The following PLCB4 variants were observed in gnomAD, a reference collection of about 807,000 sequenced individuals.
The protein encoded by PLCB4 is 1-phosphatidylinositol 4,5-bisphosphate phosphodiesterase beta-4.
Under a neutral mutation model 178.8 loss-of-function variants are expected in PLCB4, and 77 were observed. The observed-to-expected ratio is 0.43, with a 90% CI of 0.36 to 0.52. The LOEUF (loss-of-function observed/expected upper bound fraction) is 0.52. Among genes scored for constraint, PLCB4 ranks in the 20% least tolerant of loss-of-function variants. PLCB4 has a pLI of 0.00. For synonymous variants in PLCB4, 496 were observed against 490.8 expected, an observed-to-expected ratio of 1.01 and a Z score of -0.14; for missense variants, 1,024 against 1,453.4, an observed-to-expected ratio of 0.70 and a Z score of 4.80.
At chr20:9,371,519 C>T (rs2036253308) in intron 10 of PLCB4, among the ~76,000 whole-genome samples, 1 of 151,992 alleles carries the variant, frequency 6.6e-6, no homozygotes, top group Admixed American at 6.6e-5. Flanking sequence ...GTTGCCTGGG[C>T]ATTTTAACCT....
intron 3 of PLCB4, among the ~76,000 whole-genome samples, chr20:9,305,400 A>G (rs144945896): frequency 6.6e-6 from 1 of 151,998 alleles, no homozygotes; most frequent in African/African-American, 2.4e-5. Flanking sequence ...AGTTTTTAGT[A>G]TCTCTGTTCC....
intron 3 of PLCB4, among the ~76,000 whole-genome samples, chr20:9,296,292 T>C (rs1171189256): frequency 6.6e-6 from 1 of 152,026 alleles, no homozygotes; most frequent in African/African-American, 2.4e-5. Flanking sequence ...GAAATGCAAA[T>C]CAAAACCACA....
intron 4 of PLCB4, among the ~76,000 whole-genome samples, chr20:9,328,786 G>T (rs1386503617): frequency 6.6e-6 from 1 of 152,180 alleles, no homozygotes; most frequent in Non-Finnish European, 1.5e-5. Context: ...GAGGTTCGTT[G>T]TCCCACAGCC....
At chr20:9,319,104 G>C (rs769533107) in intron 4 of PLCB4, among the ~76,000 whole-genome samples, 5 of 152,088 alleles carry the variant, frequency 3.3e-5, no homozygotes, top group Non-Finnish European at 7.3e-5. Flanking sequence ...TAATGCATGT[G>C]GTGTAGCCAT....
intron 1 of PLCB4, among the ~76,000 whole-genome samples, chr20:9,082,284 G>A (rs562309370): frequency 6.6e-4 from 100 of 152,234 alleles, no homozygotes; most frequent in African/African-American, 2.2e-3. Context: ...AACAGAGAAA[G>A]CAAGAAAGCC....
At position 9,103,329 on chromosome 20, in the gene PLCB4, T is replaced by C. The variant is rs551323924; in HGVS notation, c.-79+6987T>C. Among the ~76,000 whole-genome samples the C allele has an allele frequency of 4.5e-4, 68 of 152,310 alleles. 1 individual carries two copies. The South Asian group carries it at 0.014, about 31-fold the overall frequency. ...AAATGGGAACATTTACAAATACTTA[T>C]TTTAAATAACAGTGATAAACCCATT... On this transcript the variant is annotated intron_variant, in intron 2 of 39. Coordinates refer to ENST00000378473, the MANE Select transcript of PLCB4 (RefSeq NM_001377142.1).
rs749496709 is a variant in PLCB4 at position 9,322,117 on chromosome 20, A to ATTT, written c.84+14239_84+14241dup. ...CAGGCAGAGCCACCACACCCAGGTA[A>ATTT]TTTTTTTTTTTTTTTTTTTTTTGTA... On this transcript the variant is annotated intron_variant, in intron 4 of 39. Coordinates refer to ENST00000378473, the MANE Select transcript of PLCB4 (RefSeq NM_001377142.1). Among the ~76,000 whole-genome samples the ATTT allele has an allele frequency of 1.6e-3, 181 of 116,586 alleles. 2 individuals are homozygous for ATTT. The highest frequency in any genetic ancestry group is 4.1e-3 in the East Asian group (15 of 3,640). The allele number at this position is 116,586 out of a possible 152,430, so 76.5% of individuals were successfully genotyped here. A position where few individuals can be genotyped will look rare whatever the true frequency, so the allele number is the denominator to read the frequency against.
chr20:9,435,707 T>C, intron 29 of PLCB4, 59 bp downstream of exon 29: 1 of 978,374 alleles, frequency 1.0e-6, no homozygotes, highest in South Asian at 1.4e-5. Context: ...TATCAAACAG[T>C]GTTTACAAAA....
At chr20:9,384,615 C>T (rs770011976) in intron 14 of PLCB4, among the ~76,000 whole-genome samples, 14 of 152,134 alleles carry the variant, frequency 9.2e-5, no homozygotes, top group Admixed American at 8.5e-4. Flanking sequence ...AAAGACTTTA[C>T]TGTGAAAAGA....
chr20:9,245,281 T>A (rs1262062776), intron 3 of PLCB4, among the ~76,000 whole-genome samples: 1 of 151,994 alleles, frequency 6.6e-6, no homozygotes, highest in Non-Finnish European at 1.5e-5. Context: ...AGTGAGGAAA[T>A]AGATTCCACT....
intron 12 of PLCB4, 149 bp downstream of exon 12, chr20:9,373,253 A>G: frequency 1.9e-6 from 1 of 526,148 alleles, no homozygotes; most frequent in Non-Finnish European, 3.4e-6. Flanking sequence ...AGGTGCAAAA[A>G]TCAGCTGCCG....
chr20:9,307,336 G>A (rs2094780016), intron 3 of PLCB4, among the ~76,000 whole-genome samples: 1 of 152,082 alleles, frequency 6.6e-6, no homozygotes, highest in Non-Finnish European at 1.5e-5. Flanking sequence ...CTATTCCTAC[G>A]TGATTCTGCA....
chr20:9,366,889 A>G (rs1221586176), intron 9 of PLCB4, among the ~76,000 whole-genome samples: 1 of 152,242 alleles, frequency 6.6e-6, no homozygotes, highest in Non-Finnish European at 1.5e-5. Flanking sequence ...ATAATAACAA[A>G]CAAAACCCAG....
chr20:9,278,545 G>C (rs2094468730), intron 3 of PLCB4, among the ~76,000 whole-genome samples: 3 of 151,988 alleles, frequency 2.0e-5, no homozygotes, highest in African/African-American at 4.8e-5. Flanking sequence ...ATTTATCCAT[G>C]GTTACTCCAG....
intron 2 of PLCB4, among the ~76,000 whole-genome samples, chr20:9,196,426 T>C (rs1300839997): frequency 1.3e-5 from 2 of 152,162 alleles, no homozygotes; most frequent in Admixed American, 6.5e-5. Flanking sequence ...TCTTAGACTT[T>C]GATGAAGGAA....
At chr20:9,419,063 T>A (rs1339671125) in intron 25 of PLCB4, among the ~76,000 whole-genome samples, 1 of 152,174 alleles carries the variant, frequency 6.6e-6, no homozygotes, top group Non-Finnish European at 1.5e-5. Context: ...TTTAGTGGAT[T>A]CCTTAGAGTT....
chr20:9,448,120 A>T (rs932904909), intron 32 of PLCB4, among the ~76,000 whole-genome samples: 5 of 152,166 alleles, frequency 3.3e-5, no homozygotes, highest in African/African-American at 1.2e-4. Flanking sequence ...TAGGAACATT[A>T]TGTAGCACTT....
intron 2 of PLCB4, among the ~76,000 whole-genome samples, chr20:9,114,177 G>A (rs2091699973): frequency 6.6e-6 from 1 of 152,132 alleles, no homozygotes; most frequent in African/African-American, 2.4e-5. Flanking sequence ...TCATGCCATT[G>A]CATTCTAGCC....
rs73895492 is a variant in PLCB4 at position 9,080,004 on chromosome 20, A to T, written c.-135+10798A>T. On this transcript the variant is annotated intron_variant, in intron 1 of 39. Transcript: ENST00000378473. ...ATGGAGTTGGATTCCTAAGATAGAT[A>T]TAATTCCTTTGATTTTAATATTTTA... 7.0e-3 allele frequency among the ~76,000 whole-genome samples: 1,068 copies of T among 152,320 alleles called. 11 individuals carry two copies. Among genetic ancestry groups the T allele is most frequent in the African/African-American group, 0.024 (1,004 of 41,584 alleles).
Sources: allele counts gnomAD v4.1 joint callset (sites outside exome capture counted in the v4.1 genomes callset), GRCh38; gene constraint gnomAD v4.1.1; transcripts MANE v1.5; gene names NCBI Gene and HGNC (gene_info 2026-07-23, HGNC 2026-07-21).